MAD1L1: variants seen among roughly 807,000 people sequenced by gnomAD.
The protein encoded by MAD1L1 is mitotic arrest deficient 1 like 1.
Under a neutral mutation model 96.9 loss-of-function variants are expected in MAD1L1, and 95 were observed. The observed-to-expected ratio is 0.98, with a 90% CI of 0.83 to 1.16. MAD1L1 has a LOEUF of 1.16. Ranked by LOEUF, MAD1L1 falls within the 50% of genes most tolerant of loss-of-function variation. The probability of loss-of-function intolerance (pLI) is 0.00; values close to 1 mark genes in which losing one functional copy is unlikely to be tolerated. For synonymous variants in MAD1L1, 473 were observed against 396.6 expected (o/e 1.19, Z -2.29); for missense variants, 1,007 against 954.4 (o/e 1.06, Z -0.73).
chr7:2,185,085 T>G (rs1791394389), intron 10 of MAD1L1, among the ~76,000 whole-genome samples: 1 of 152,172 alleles, frequency 6.6e-6, no homozygotes, highest in South Asian at 2.1e-4. Context: ...AGCACTCTGT[T>G]GTCCAAAAGC....
intron 10 of MAD1L1, among the ~76,000 whole-genome samples, chr7:2,204,348 T>C (rs1639910): frequency 0.47 from 70,852 of 151,994 alleles, 18,076 homozygotes; most frequent in East Asian, 0.66. Flanking sequence ...AGGTATGATC[T>C]GCGCACGTGA....
At chr7:1,940,427 C>G (rs1169056896) in intron 16 of MAD1L1, 1 of 152,262 alleles carries the variant, frequency 6.6e-6, no homozygotes, top group East Asian at 1.9e-4. Flanking sequence ...GTTAAGATAA[C>G]CCAGTATGCA....
chr7:2,210,320 G>A (rs112702513), intron 10 of MAD1L1, among the ~76,000 whole-genome samples: 4 of 152,048 alleles, frequency 2.6e-5, no homozygotes, highest in African/African-American at 4.8e-5. Context: ...ATCCCCCTGC[G>A]GCAGCCTCCC....
chr7:2,196,736 T>C (rs1163326966), intron 10 of MAD1L1, among the ~76,000 whole-genome samples: 1 of 152,228 alleles, frequency 6.6e-6, no homozygotes. Flanking sequence ...AGTCTGGCCT[T>C]CAACACGAAC....
chr7:2,015,743 G>A (rs1037472661), intron 12 of MAD1L1, among the ~76,000 whole-genome samples: 2 of 152,242 alleles, frequency 1.3e-5, no homozygotes, highest in Non-Finnish European at 2.9e-5. Context: ...CACATGATCA[G>A]GGAGCCAGCC....
chr7:2,139,112 C>G (rs1440660121), intron 11 of MAD1L1, among the ~76,000 whole-genome samples: 1 of 152,134 alleles, frequency 6.6e-6, no homozygotes, highest in Non-Finnish European at 1.5e-5. Context: ...GCCTCAGCCT[C>G]ACCCTCCTGT....
chr7:2,044,478 G>C (rs1182671584), intron 12 of MAD1L1, among the ~76,000 whole-genome samples: 1 of 152,238 alleles, frequency 6.6e-6, no homozygotes, highest in Non-Finnish European at 1.5e-5. Flanking sequence ...ACTGGGAACA[G>C]TGCTTTAGAA....
Position 1,902,110 on chromosome 7 carries a change from G to T in MAD1L1, c.1808-3720C>A, listed in dbSNP as rs555304111. On this transcript the variant is annotated intron_variant, in intron 17 of 18. Transcript: ENST00000265854. Reference sequence around the variant, plus strand: ...CCGGCCCAGTGGGGTGTACCAGGGGGCTGAAGGCATCCACGACACTGGTGC... The same window carrying T: ...CCGGCCCAGTGGGGTGTACCAGGGGTCTGAAGGCATCCACGACACTGGTGC... Among the ~76,000 whole-genome samples the T allele has an allele frequency of 3.3e-5, 5 of 152,304 alleles. No individual in the cohort carries two copies. In the East Asian group the frequency reaches 7.7e-4, roughly 24 times the overall value.
intron 11 of MAD1L1, among the ~76,000 whole-genome samples, chr7:2,075,680 G>A (rs1169805127): frequency 6.6e-6 from 1 of 152,142 alleles, no homozygotes; most frequent in East Asian, 1.9e-4. Flanking sequence ...GCCACTGCCG[G>A]CCACTTTAAT....
intron 16 of MAD1L1, among the ~76,000 whole-genome samples, chr7:1,956,480 A>C (rs887091672): frequency 1.2e-4 from 19 of 152,298 alleles, no homozygotes; most frequent in African/African-American, 4.6e-4. Context: ...CTGCTTCCCC[A>C]GGACCACCAG....
At chr7:1,956,824 C>A (rs956235734) in intron 16 of MAD1L1, among the ~76,000 whole-genome samples, 1 of 152,276 alleles carries the variant, frequency 6.6e-6, no homozygotes, top group Admixed American at 6.5e-5. Flanking sequence ...CTCATTCAAG[C>A]CTCAACAAGC....
chr7:1,920,027 G>A (rs1035599796), intron 17 of MAD1L1, among the ~76,000 whole-genome samples: 9 of 151,514 alleles, frequency 5.9e-5, no homozygotes, highest in Non-Finnish European at 8.8e-5. Context: ...CCAGTGACAC[G>A]GAGGTCCCCA....
chr7:1,866,280 G>A lies in MAD1L1; in HGVS notation c.1998+31920C>T, dbSNP rs1267987628. On this transcript the variant is annotated intron_variant, in intron 18 of 18. Coordinates refer to ENST00000265854, the MANE Select transcript of MAD1L1 (RefSeq NM_001013836.2). ...GTGCGCTCTGGGAGCCAGGTGCCCAGGTGGGAGGAGATAGACGCCTAGGCC... is the reference window on the plus strand; with the variant it reads ...GTGCGCTCTGGGAGCCAGGTGCCCAAGTGGGAGGAGATAGACGCCTAGGCC... 2.0e-5 allele frequency among the ~76,000 whole-genome samples: 3 copies of A among 152,186 alleles called. No individual in the cohort carries two copies. The East Asian group carries it at 5.8e-4, about 29-fold the overall frequency.
chr7:2,135,946 C>A (rs563754352), intron 11 of MAD1L1, among the ~76,000 whole-genome samples: 4 of 152,358 alleles, frequency 2.6e-5, no homozygotes, highest in African/African-American at 9.6e-5. Context: ...CGCGGCCCAA[C>A]GCTCTCTAGT....
At chr7:2,209,306 C>T (rs1255934906) in intron 10 of MAD1L1, among the ~76,000 whole-genome samples, 5 of 152,170 alleles carry the variant, frequency 3.3e-5, no homozygotes, top group Non-Finnish European at 7.4e-5. Flanking sequence ...CAGGGTTTAT[C>T]CAAGCCCGGG....
chr7:1,882,478 G>A (rs1328294833), intron 18 of MAD1L1, among the ~76,000 whole-genome samples: 2 of 152,200 alleles, frequency 1.3e-5, no homozygotes, highest in East Asian at 1.9e-4. Context: ...CAGGGAGGGA[G>A]GGAAGGGGTG....
chr7:1,986,958 G>A (rs964696357), intron 14 of MAD1L1, among the ~76,000 whole-genome samples: 4 of 149,080 alleles, frequency 2.7e-5, no homozygotes, highest in Non-Finnish European at 5.9e-5. Flanking sequence ...GCACCTCCCC[G>A]CCAGGCCAGC....
intron 18 of MAD1L1, among the ~76,000 whole-genome samples, chr7:1,883,590 C>T (rs985270467): frequency 6.6e-6 from 1 of 152,228 alleles, no homozygotes; most frequent in African/African-American, 2.4e-5. Flanking sequence ...ACTCCCTGAC[C>T]TCTCATGTCT....
chr7:2,024,656 C>T (rs570145772), intron 12 of MAD1L1, among the ~76,000 whole-genome samples: 81 of 152,344 alleles, frequency 5.3e-4, no homozygotes, highest in Non-Finnish European at 9.4e-4. Flanking sequence ...GGGTTTAGTG[C>T]TTCTCTCTTT....
Sources: allele counts gnomAD v4.1 joint callset (sites outside exome capture counted in the v4.1 genomes callset), GRCh38; gene constraint gnomAD v4.1.1; transcripts MANE v1.5; gene names NCBI Gene and HGNC (gene_info 2026-07-23, HGNC 2026-07-21).